The following VPS13B variants were observed in gnomAD, a reference collection of about 807,000 sequenced individuals.
VPS13B encodes the protein intermembrane lipid transfer protein VPS13B.
Under a neutral mutation model 426.4 loss-of-function variants are expected in VPS13B, and 285 were observed. That is an observed-to-expected ratio of 0.67 (90% confidence interval 0.61 to 0.74). The LOEUF (loss-of-function observed/expected upper bound fraction) is 0.74. VPS13B is among the 30% of genes least tolerant of loss of function. The pLI, the probability that VPS13B is intolerant of heterozygous loss-of-function variation, is 0.00. For synonymous variants in VPS13B, 1,676 were observed against 1,676.4 expected (o/e 1.00, Z 0.01); for missense variants, 4,537 against 4,782.6 (o/e 0.95, Z 1.51).
At chr8:99,110,721 C>T (rs907006996) in intron 5 of VPS13B, among the ~76,000 whole-genome samples, 3 of 151,558 alleles carry the variant, frequency 2.0e-5, no homozygotes, top group African/African-American at 7.3e-5. Context: ...ATGACTTCTT[C>T]AAAAAATTAT....
chr8:99,171,802 T>C (rs980807253), intron 16 of VPS13B, among the ~76,000 whole-genome samples: 4 of 152,118 alleles, frequency 2.6e-5, no homozygotes, highest in Non-Finnish European at 5.9e-5. Flanking sequence ...AAAAAAACTT[T>C]AGTAACTGTA....
rs551645429 is a variant in VPS13B at position 99,682,502 on chromosome 8, T to C, written c.6047-17023T>C. Among the ~76,000 whole-genome samples, 92 of 152,358 alleles carry C rather than the reference T, an allele frequency of 6.0e-4. 1 individual carries two copies. Among genetic ancestry groups the C allele is most frequent in the African/African-American group, 2.2e-3 (90 of 41,588 alleles). On this transcript the variant is annotated intron_variant, in intron 35 of 61. Transcript: ENST00000357162. ...TCCCAGTACATAGCTTCTCTTTTCA[T>C]TCTCTTAACACTACCCTTTACAGAG... is the stretch of plus-strand genomic sequence containing the variant.
intron 33 of VPS13B, among the ~76,000 whole-genome samples, chr8:99,587,104 A>C (rs1826343799): frequency 6.6e-6 from 1 of 152,158 alleles, no homozygotes; most frequent in South Asian, 2.1e-4. Context: ...TAGTTTGCTC[A>C]GAATGATGGT....
At chr8:99,594,360 C>T (rs1425287761) in intron 33 of VPS13B, among the ~76,000 whole-genome samples, 2 of 151,656 alleles carry the variant, frequency 1.3e-5, no homozygotes, top group Non-Finnish European at 2.9e-5. Context: ...ATAGTCTTCC[C>T]CAATGGGGTT....
rs144433032 is a variant in VPS13B at position 99,343,912 on chromosome 8, A to G, written c.2825-40296A>G. On this transcript the variant is annotated intron_variant, in intron 19 of 61. Transcript: ENST00000357162. ...GTGTACTATCCAAAACGATTTACAG[A>G]TTAGTGCAATCCCTATCAGAAGTCC... Among the ~76,000 whole-genome samples, 927 of 152,346 alleles carry G rather than the reference A, an allele frequency of 6.1e-3. 13 individuals carry two copies. Among genetic ancestry groups the G allele is most frequent in the African/African-American group, 0.021 (882 of 41,588 alleles).
At chr8:99,226,219 C>A (rs779952790) in intron 17 of VPS13B, among the ~76,000 whole-genome samples, 19 of 152,306 alleles carry the variant, frequency 1.2e-4, no homozygotes, top group Admixed American at 2.6e-4. Flanking sequence ...TACCTCCTTG[C>A]TGTTGCACAT....
intron 21 of VPS13B, among the ~76,000 whole-genome samples, chr8:99,406,144 A>T (rs1295592333): frequency 6.6e-6 from 1 of 151,944 alleles, no homozygotes; most frequent in Non-Finnish European, 1.5e-5. Context: ...GTATTCCCTA[A>T]AATAGGTCTG....
At chr8:99,377,766 T>A (rs1418973493) in intron 19 of VPS13B, among the ~76,000 whole-genome samples, 3 of 152,160 alleles carry the variant, frequency 2.0e-5, no homozygotes, top group Admixed American at 2.0e-4. Flanking sequence ...TGATGCCCCC[T>A]GAGCTGTAAA....
At chr8:99,141,946 G>A (rs568641107) in intron 12 of VPS13B, among the ~76,000 whole-genome samples, 3 of 151,380 alleles carry the variant, frequency 2.0e-5, no homozygotes, top group South Asian at 4.2e-4. Flanking sequence ...CCAGCTACTC[G>A]GGAGGCTGAG....
chr8:99,037,991 T>C (rs1022407285), intron 2 of VPS13B, among the ~76,000 whole-genome samples: 4 of 152,098 alleles, frequency 2.6e-5, no homozygotes, highest in Non-Finnish European at 5.9e-5. Context: ...CTTAAAAAAT[T>C]ACATCATTTC....
At chr8:99,340,883 GGTT>G (rs1484260170) in intron 19 of VPS13B, 1 of 314,058 alleles carries the variant, frequency 3.2e-6, no homozygotes, top group Non-Finnish European at 6.5e-6. Flanking sequence ...GTTCAGCTGT[GGTT>G]GTCTGACTCT....
chr8:99,093,698 A>C (rs947321341), intron 3 of VPS13B, among the ~76,000 whole-genome samples: 1 of 152,134 alleles, frequency 6.6e-6, no homozygotes, highest in Non-Finnish European at 1.5e-5. Flanking sequence ...GTCCCTACAA[A>C]GGACATGAAC....
At chr8:99,082,327 A>G (rs1342144756) in intron 3 of VPS13B, among the ~76,000 whole-genome samples, 1 of 152,006 alleles carries the variant, frequency 6.6e-6, no homozygotes, top group East Asian at 1.9e-4. Context: ...TTTTCTTGTA[A>G]ATTTGTCTGA....
chr8:99,821,517 G>A (rs765868660), intron 50 of VPS13B, 35 bp downstream of exon 50: 9 of 1,610,938 alleles, frequency 5.6e-6, no homozygotes, highest in Non-Finnish European at 7.6e-6. Flanking sequence ...GGAGGAAATA[G>A]CATGCCATCC....
intron 19 of VPS13B, among the ~76,000 whole-genome samples, chr8:99,360,341 G>T (rs975846580): frequency 6.8e-6 from 1 of 147,056 alleles, no homozygotes; most frequent in Non-Finnish European, 1.5e-5. Flanking sequence ...GCAGTGGCAC[G>T]ATCTCAGCTC....
intron 35 of VPS13B, among the ~76,000 whole-genome samples, chr8:99,693,306 G>T (rs1328164335): frequency 6.7e-6 from 1 of 150,186 alleles, no homozygotes; most frequent in African/African-American, 2.4e-5. Context: ...GTAAAATACT[G>T]GCAAACCGAA....
chr8:99,031,073 CACAG>C, intron 2 of VPS13B, among the ~76,000 whole-genome samples: 1 of 152,052 alleles, frequency 6.6e-6, no homozygotes, highest in Non-Finnish European at 1.5e-5. Context: ...TCATTTAAAT[CACAG>C]TTTCCAAGAA....
intron 39 of VPS13B, among the ~76,000 whole-genome samples, chr8:99,742,675 G>T (rs1004201597): frequency 6.6e-6 from 1 of 152,070 alleles, no homozygotes; most frequent in Non-Finnish European, 1.5e-5. Context: ...TTCAACATAC[G>T]CAAATCAATA....
At chr8:99,030,135 C>CT (rs58542671) in intron 2 of VPS13B, among the ~76,000 whole-genome samples, 4,959 of 75,736 alleles carry the variant, frequency 0.065, 402 homozygotes, top group African/African-American at 0.13. Flanking sequence ...AAAATACATG[C>CT]TTTTTTTTTT....
Sources: allele counts gnomAD v4.1 joint callset (sites outside exome capture counted in the v4.1 genomes callset), GRCh38; gene constraint gnomAD v4.1.1; transcripts MANE v1.5; gene names NCBI Gene and HGNC (gene_info 2026-07-23, HGNC 2026-07-21).